TIMELESS: variants seen among roughly 807,000 people sequenced by gnomAD.
TIMELESS encodes protein timeless homolog.
TIMELESS carries 124 observed loss-of-function variants against 164.3 expected under a neutral mutation model. That is an observed-to-expected ratio of 0.75 (90% CI 0.65 to 0.88). The LOEUF is 0.88. TIMELESS is among the 40% of genes least tolerant of loss of function. The pLI, the probability that TIMELESS is intolerant of heterozygous loss-of-function variation, is 0.00. For synonymous variants in TIMELESS, 564 were observed against 563.4 expected (o/e 1.00, Z -0.02); for missense variants, 1,422 against 1,491.4 (o/e 0.95, Z 0.77).
At position 56,416,792 on chromosome 12, in the gene TIMELESS, T is replaced by C. The variant is rs1881275586; in HGVS notation, c.*924A>G. ...CCAGGCATATGCACTGGCGTGACCT[T>C]AGCTCACTGCAACCTCTGCCTCCTG... On this transcript the variant is annotated 3_prime_UTR_variant, in exon 29 of 29. Transcript: ENST00000553532. The C allele has an allele frequency of 6.6e-6, 1 of 152,008 alleles. No individual in the cohort carries two copies. The highest frequency in any genetic ancestry group is 1.5e-5 in the Non-Finnish European group (1 of 68,040). 9.4% of individuals were successfully genotyped at this position (152,008 alleles called of 1,614,324 possible).
rs772711531 is a variant in TIMELESS, at chr12:56,428,657, G to A, written c.1305-5C>T. ...GCCTTCAGAGCCAAGTGCATCCTGA[G>A]AGTTGACGGGAAACGGTGAAATGGA... is the stretch of plus-strand genomic sequence containing the variant. On this transcript the variant is annotated splice_polypyrimidine_tract_variant and splice_region_variant and intron_variant, in intron 11 of 28. Transcript: ENST00000553532. 33 of 1,612,452 alleles carry A rather than the reference G, an allele frequency of 2.0e-5. No homozygotes were observed. In the African/African-American group the frequency reaches 3.5e-4, roughly 17 times the overall value.
At chr12:56,441,296 T>C (rs1868271136) in intron 1 of TIMELESS, among the ~76,000 whole-genome samples, 1 of 152,164 alleles carries the variant, frequency 6.6e-6, no homozygotes, top group Non-Finnish European at 1.5e-5. Flanking sequence ...GAAGCAGTGA[T>C]ATTAAGCACT....
chr12:56,445,568 GTC>G (rs1175040630), intron 1 of TIMELESS, among the ~76,000 whole-genome samples: 2 of 145,812 alleles, frequency 1.4e-5, no homozygotes, highest in Non-Finnish European at 3.0e-5. Context: ...GAGAAACCCT[GTC>G]TCTACTAAAA....
intron 1 of TIMELESS, among the ~76,000 whole-genome samples, chr12:56,437,459 A>G (rs1324382278): frequency 6.6e-6 from 1 of 151,604 alleles, no homozygotes; most frequent in African/African-American, 2.4e-5. Context: ...TCAGGCACCC[A>G]GGCTGGCACC....
chr12:56,443,338 G>A (rs1021868313), intron 1 of TIMELESS, among the ~76,000 whole-genome samples: 1 of 152,132 alleles, frequency 6.6e-6, no homozygotes, highest in Middle Eastern at 3.2e-3. Flanking sequence ...TGTCTTATGC[G>A]GTTGAGATAA....
At chr12:56,420,936 G>C in intron 24 of TIMELESS, 27 bp downstream of exon 24, 2 of 1,614,062 alleles carry the variant, frequency 1.2e-6, no homozygotes, top group South Asian at 1.1e-5. Context: ...CTCCACCTGA[G>C]ACATCTCTCC....
chr12:56,419,109 A>G (rs1881368488), intron 26 of TIMELESS, among the ~76,000 whole-genome samples: 1 of 151,144 alleles, frequency 6.6e-6, no homozygotes, highest in Admixed American at 6.6e-5. Flanking sequence ...CTCCTGCCTC[A>G]GCCTCCCAAG....
chr12:56,420,795 T>C lies in TIMELESS; in HGVS notation c.3109+18A>G. 1 of 1,614,088 alleles carries C rather than the reference T, an allele frequency of 6.2e-7. No homozygotes were observed. Among genetic ancestry groups the C allele is most frequent in the Non-Finnish European group, 8.5e-7 (1 of 1,179,994 alleles). Reference sequence around the variant, plus strand: ...GCCTCCAGGGCTCTTCTCCTAAAAGTGTCACCTGTCCACTCACCATCCTCT... The same window carrying C: ...GCCTCCAGGGCTCTTCTCCTAAAAGCGTCACCTGTCCACTCACCATCCTCT... On this transcript the variant is annotated intron_variant, in intron 25 of 28. Transcript: ENST00000553532.
intron 1 of TIMELESS, among the ~76,000 whole-genome samples, chr12:56,441,822 G>A (rs1466662442): frequency 6.6e-6 from 1 of 152,134 alleles, no homozygotes; most frequent in Non-Finnish European, 1.5e-5. Context: ...GGTGGCTCAC[G>A]CCTGTAATCC....
At chr12:56,418,830 G>A (rs1172592625) in intron 26 of TIMELESS, among the ~76,000 whole-genome samples, 1 of 151,186 alleles carries the variant, frequency 6.6e-6, no homozygotes, top group Non-Finnish European at 1.5e-5. Flanking sequence ...GCCTCCCAAA[G>A]TGCTGGGATT....
chr12:56,438,503 G>C (rs1255435074), intron 1 of TIMELESS, among the ~76,000 whole-genome samples: 6 of 151,438 alleles, frequency 4.0e-5, no homozygotes, highest in Non-Finnish European at 8.8e-5. Context: ...CAGGTTCAGT[G>C]GCTCACGCCT....
At chr12:56,420,029 A>AAAAAAC (rs1555176447) in intron 26 of TIMELESS, among the ~76,000 whole-genome samples, 1 of 75,190 alleles carries the variant, frequency 1.3e-5, no homozygotes, top group African/African-American at 6.7e-5. Context: ...AAAAAAAAAA[A>AAAAAAC]ATATATATAT....
rs143638272 is a variant in TIMELESS, at chr12:56,418,944, C to G, written c.3229-585G>C. ...GTGAATCAGGTATGATCCTTGCTAT[C>G]AAATAACTCACAATCCAATGGGAAA... On this transcript the variant is annotated intron_variant, in intron 26 of 28. Coordinates refer to ENST00000553532, the MANE Select transcript of TIMELESS (RefSeq NM_003920.5). Among the ~76,000 whole-genome samples the G allele has an allele frequency of 9.9e-3, 1,494 of 150,226 alleles. 16 individuals carry two copies. The highest frequency in any genetic ancestry group is 0.017 in the Non-Finnish European group (1,143 of 67,740).
Position 56,417,988 on chromosome 12 carries a change from C to G in TIMELESS, c.3475G>C (p.Glu1159Gln), listed in dbSNP as rs1171956964. Residue 1159 changes from glutamate (E) to glutamine (Q), a missense_variant, in exon 28 of 29, where the codon GAG (glutamate) becomes CAG (glutamine). Transcript: ENST00000553532. ...SPEEEDAVGKEPLKAAPKKRQ... is the reference protein window; with the variant it reads ...SPEEEDAVGKQPLKAAPKKRQ... ...TTCTTGGGTGCTGCCTTCAGCGGCT[C>G]TTTACCAACAGCGTCTTCCTCTGCA... 2.5e-6 allele frequency: 4 copies of G among 1,614,090 alleles called. No individual in the cohort carries two copies. Among genetic ancestry groups the G allele is most frequent in the Non-Finnish European group, 3.4e-6 (4 of 1,180,050 alleles).
In TIMELESS at chr12:56,420,675, G is replaced by A. The variant is rs900217399; in HGVS notation, c.3122C>T (p.Ala1041Val). The A allele has an allele frequency of 6.2e-7, 1 of 1,614,170 alleles. No homozygotes were observed. The change falls in exon 26 of 29, where the codon GCC becomes GTC. Residue 1041 changes from alanine to valine, a missense_variant. Transcript: ENST00000553532. Reference sequence around the variant, plus strand: ...CTCTGTGAGTGGCACCAATGGAACGGCCTGGGAGCAGCCTAAGACAGGGTC... The same window carrying A: ...CTCTGTGAGTGGCACCAATGGAACGACCTGGGAGCAGCCTAAGACAGGGTC... Reference protein sequence around the residue: ...DDREEDGCSQAVPLVPLTEEN... With the variant: ...DDREEDGCSQVVPLVPLTEEN...
intron 11 of TIMELESS, 45 bp downstream of exon 11, chr12:56,428,838 T>C (rs1157188220): frequency 6.3e-7 from 1 of 1,595,842 alleles, no homozygotes; most frequent in East Asian, 2.2e-5. Context: ...AATTCAAGCA[T>C]TCAGATCCCT....
intron 6 of TIMELESS, 56 bp from the exon 7 acceptor site, chr12:56,432,580 C>A: frequency 6.3e-7 from 1 of 1,582,202 alleles, no homozygotes. Flanking sequence ...ACTGCCCTGC[C>A]TTGAAGCTCT....
At chr12:56,418,880 G>GAATA (rs139744806) in intron 26 of TIMELESS, among the ~76,000 whole-genome samples, 1,957 of 150,276 alleles carry the variant, frequency 0.013, 30 homozygotes, top group African/African-American at 0.043. Context: ...GTTGTCAATT[G>GAATA]AATAAATAAA....
chr12:56,429,005 G>T lies in TIMELESS; in HGVS notation c.1182C>A (p.Phe394Leu). 6.2e-7 allele frequency: 1 copy of T among 1,614,138 alleles called. No homozygotes were observed. Among genetic ancestry groups the T allele is most frequent in the Non-Finnish European group, 8.5e-7 (1 of 1,180,046 alleles). ...FFMAFNRAAS[F>L]RPGLVSETLS... ...GGGTCTCAGAAACCAGGCCTGGCCGGAAGGAGGCAGCTCGGTTGAAGGCCA... is the reference window on the plus strand; with the variant it reads ...GGGTCTCAGAAACCAGGCCTGGCCGTAAGGAGGCAGCTCGGTTGAAGGCCA... The change falls in exon 11 of 29, where the codon TTC (phenylalanine) becomes TTA (leucine). Residue 394 changes from phenylalanine (F) to leucine (L), a missense_variant. Physicochemically the swap from Phe to Leu is conservative, Grantham distance 22. Transcript: ENST00000553532.
Sources: allele counts gnomAD v4.1 joint callset (sites outside exome capture counted in the v4.1 genomes callset), GRCh38; gene constraint gnomAD v4.1.1; transcripts MANE v1.5; gene names NCBI Gene and HGNC (gene_info 2026-07-23, HGNC 2026-07-21).